DPP6: variants seen among roughly 807,000 people sequenced by gnomAD.
DPP6 encodes the protein dipeptidyl peptidase like 6.
DPP6 carries 69 observed loss-of-function variants against 122.6 expected under a neutral mutation model. The observed-to-expected ratio is 0.56, with a 90% CI of 0.46 to 0.69. DPP6 has a LOEUF of 0.69. Among genes scored for constraint, DPP6 ranks in the 30% least tolerant of loss-of-function variants. DPP6 has a pLI of 0.00. For missense variants in DPP6, 928 were observed against 1,116.9 expected (o/e 0.83, Z 2.41); for synonymous variants, 418 against 433.1 (o/e 0.97, Z 0.43).
chr7:154,239,915 C>T (rs1345753775), intron 1 of DPP6, among the ~76,000 whole-genome samples: 2 of 144,154 alleles, frequency 1.4e-5, no homozygotes, highest in African/African-American at 2.5e-5. Flanking sequence ...TCACTTGAAC[C>T]CAGGAGGCGG....
At chr7:154,546,653 A>G (rs1194246061) in intron 4 of DPP6, among the ~76,000 whole-genome samples, 2 of 152,144 alleles carry the variant, frequency 1.3e-5, no homozygotes, top group Admixed American at 1.3e-4. Flanking sequence ...TCTTGGTTTT[A>G]TATAATCATA....
chr7:154,615,513 A>G (rs1263690408), intron 5 of DPP6, among the ~76,000 whole-genome samples: 1 of 152,194 alleles, frequency 6.6e-6, no homozygotes, highest in Non-Finnish European at 1.5e-5. Context: ...TATACACATA[A>G]CGTTTATTAT....
rs528114543 is a variant in DPP6 at position 153,904,275 on chromosome 7, C to T, written c.51+16541C>T. Among the ~76,000 whole-genome samples the T allele has an allele frequency of 7.2e-5, 11 of 152,304 alleles. No individual in the cohort carries two copies. In the South Asian group the frequency reaches 2.3e-3, roughly 32 times the overall value. On this transcript the variant is annotated intron_variant, in intron 1 of 25. Coordinates refer to the DPP6 transcript ENST00000404039. ...CTGTGTTGGCCAGGCTGGTCTCGAA[C>T]TCCTGAGCTCAAGTGATATGCCCGC... is the stretch of plus-strand genomic sequence containing the variant.
At chr7:154,699,468 A>T (rs1186192820) in intron 7 of DPP6, among the ~76,000 whole-genome samples, 2 of 152,192 alleles carry the variant, frequency 1.3e-5, no homozygotes, top group Non-Finnish European at 2.9e-5. Context: ...GAAAGCTTTC[A>T]GAGAGAAAAC....
chr7:154,459,805 CAAAAAA>C (rs775605275), intron 2 of DPP6, among the ~76,000 whole-genome samples: 1 of 63,080 alleles, frequency 1.6e-5, no homozygotes, highest in African/African-American at 5.9e-5. Flanking sequence ...GATTCCATCT[CAAAAAA>C]AAAAAAAAAA....
At chr7:154,441,303 C>T (rs763686238) in intron 1 of DPP6, among the ~76,000 whole-genome samples, 2 of 152,180 alleles carry the variant, frequency 1.3e-5, no homozygotes, top group African/African-American at 2.4e-5. Flanking sequence ...CTTTCGAGTT[C>T]TTTCTCTATT....
At chr7:154,051,482 G>A (rs575971854), upstream of DPP6, among the ~76,000 whole-genome samples, 246 of 150,280 alleles carry the variant, frequency 1.6e-3, 1 homozygote, top group African/African-American at 5.7e-3. Flanking sequence ...CGGGCCTGGA[G>A]CGGAGGAGCG....
chr7:153,998,887 TAGAG>T (rs556267348), intron 1 of DPP6, among the ~76,000 whole-genome samples: 7 of 152,252 alleles, frequency 4.6e-5, no homozygotes, highest in Non-Finnish European at 7.3e-5. Flanking sequence ...ATCCCATTGA[TAGAG>T]AGTCAATTAT....
intron 1 of DPP6, among the ~76,000 whole-genome samples, chr7:153,970,189 A>G (rs1273893860): frequency 6.6e-6 from 1 of 152,184 alleles, no homozygotes; most frequent in East Asian, 1.9e-4. Flanking sequence ...TTAGCAAAAT[A>G]TTTAGTAGAA....
the DPP6 span, among the ~76,000 whole-genome samples, chr7:153,784,202 C>T: frequency 1.3e-5 from 2 of 152,132 alleles, no homozygotes; most frequent in Non-Finnish European, 1.5e-5. Context: ...AATGTGCAAG[C>T]AGCATTTTGC....
chr7:154,340,237 C>T (rs1206109572), intron 1 of DPP6, among the ~76,000 whole-genome samples: 1 of 152,100 alleles, frequency 6.6e-6, no homozygotes, highest in Non-Finnish European at 1.5e-5. Context: ...TAGAGAGTGG[C>T]AAAAAATCTT....
chr7:154,674,635 G>C (rs1368100288), intron 7 of DPP6, among the ~76,000 whole-genome samples: 1 of 152,220 alleles, frequency 6.6e-6, no homozygotes, highest in Non-Finnish European at 1.5e-5. Flanking sequence ...TTGCTACCAT[G>C]ATAGTGATAA....
At chr7:153,904,784 T>A (rs1799781302) in intron 1 of DPP6, among the ~76,000 whole-genome samples, 1 of 152,224 alleles carries the variant, frequency 6.6e-6, no homozygotes, top group Non-Finnish European at 1.5e-5. Context: ...GCAAAAACAT[T>A]GTAAGGGCCA....
chr7:153,907,773 C>T (rs1299972234), intron 1 of DPP6, among the ~76,000 whole-genome samples: 3 of 152,184 alleles, frequency 2.0e-5, no homozygotes, highest in Admixed American at 6.5e-5. Flanking sequence ...GGTCTGTCCA[C>T]ATTTTGGACT....
intron 5 of DPP6, among the ~76,000 whole-genome samples, chr7:154,625,352 G>A (rs1834999933): frequency 6.6e-6 from 1 of 152,032 alleles, no homozygotes; most frequent in African/African-American, 2.4e-5. Context: ...AGAAACAGCA[G>A]GAGAGGGAAG....
intron 1 of DPP6, among the ~76,000 whole-genome samples, chr7:154,183,551 G>T (rs778921930): frequency 6.6e-6 from 1 of 152,254 alleles, no homozygotes; most frequent in South Asian, 2.1e-4. Flanking sequence ...AAAATGCTGC[G>T]CAGAGAGCCT....
the DPP6 span, among the ~76,000 whole-genome samples, chr7:153,794,310 C>T: frequency 6.6e-6 from 1 of 152,212 alleles, no homozygotes; most frequent in Non-Finnish European, 1.5e-5. Flanking sequence ...GGGAACCCAC[C>T]TCTTGCATCA....
Position 154,877,372 on chromosome 7 carries a change from G to C in DPP6, c.2078+1272G>C, listed in dbSNP as rs1245706537. Among the ~76,000 whole-genome samples, 1 of 151,218 alleles carries C rather than the reference G, an allele frequency of 6.6e-6. No homozygotes were observed. Among genetic ancestry groups the C allele is most frequent in the African/African-American group, 2.4e-5 (1 of 41,070 alleles). On this transcript the variant is annotated intron_variant, in intron 20 of 25. Transcript: ENST00000377770. The surrounding 1 kb of genome is among the most constrained non-coding windows in gnomAD (Gnocchi z 5.2). ...GTGTCTGCCAGGATGCCTTTGCCTG[G>C]AAGTCAATGACTACAACAACACATG... is the stretch of plus-strand genomic sequence containing the variant.
At chr7:153,894,293 CAT>C (rs1191734744) in intron 1 of DPP6, among the ~76,000 whole-genome samples, 1 of 152,182 alleles carries the variant, frequency 6.6e-6, no homozygotes, top group African/African-American at 2.4e-5. Context: ...AATTCAGCAA[CAT>C]AGAAGAATTC....
Sources: allele counts gnomAD v4.1 joint callset (sites outside exome capture counted in the v4.1 genomes callset), GRCh38; gene constraint gnomAD v4.1.1; non-coding constraint Gnocchi (gnomAD v3.1); transcripts MANE v1.5; gene names NCBI Gene and HGNC (gene_info 2026-07-23, HGNC 2026-07-21).